The following LIMA1 variants were observed in gnomAD, a reference collection of about 807,000 sequenced individuals.
LIMA1 encodes the protein LIM domain and actin-binding protein 1.
A neutral mutation model predicts 62.6 loss-of-function variants in LIMA1; 52 were observed. The ratio of observed to expected loss-of-function variants is 0.83; its 90% CI spans 0.67 to 1.05. The LOEUF (loss-of-function observed/expected upper bound fraction) is 1.05, where lower values mean the gene tolerates loss of function less well. Among genes scored for constraint, LIMA1 ranks in the 50% least tolerant of loss-of-function variants. The pLI is 0.00. For missense variants in LIMA1, 780 were observed against 902.2 expected, an observed-to-expected ratio of 0.86 and a Z score of 1.74; for synonymous variants, 302 against 317.8, an observed-to-expected ratio of 0.95 and a Z score of 0.53.
rs1941145265 is a variant in LIMA1, at chr12:50,206,005, C to G, written c.694G>C (p.Asp232His). ...RKISENSYSL[D>H]DLEIGPGQLS... ...TTACCTGGGCCTATTTCCAGGTCATCTAGAGAATAGCTGTTTTCAGAGATC... is the reference window on the plus strand; with the variant it reads ...TTACCTGGGCCTATTTCCAGGTCATGTAGAGAATAGCTGTTTTCAGAGATC... The change falls in exon 5 of 11, where the codon GAT (aspartate) becomes CAT (histidine). Residue 232 changes from aspartate to histidine, a missense_variant. Asp to His is a moderately conservative substitution (Grantham distance 81). Coordinates refer to ENST00000341247, the MANE Select transcript of LIMA1 (RefSeq NM_016357.5). 1.2e-6 allele frequency: 2 copies of G among 1,612,216 alleles called. No homozygotes were observed. Among genetic ancestry groups the G allele is most frequent in the Non-Finnish European group, 1.7e-6 (2 of 1,178,780 alleles).
At chr12:50,276,810 G>C (rs776765012) in intron 1 of LIMA1, among the ~76,000 whole-genome samples, 1 of 151,878 alleles carries the variant, frequency 6.6e-6, no homozygotes, top group Non-Finnish European at 1.5e-5. Context: ...GAGGAGGCTA[G>C]AGTGAGCCGA....
intron 8 of LIMA1, among the ~76,000 whole-genome samples, chr12:50,195,219 A>G (rs1007928020): frequency 3.3e-5 from 5 of 152,216 alleles, no homozygotes; most frequent in Middle Eastern, 3.4e-3. Context: ...ATGAAAATTA[A>G]AAGTTATACT....
chr12:50,224,429 G>T (rs2081221194), intron 3 of LIMA1: 1 of 152,206 alleles, frequency 6.6e-6, no homozygotes, highest in South Asian at 2.1e-4. Flanking sequence ...AAGTTTTCTT[G>T]CTGGAAAAGA....
chr12:50,214,777 G>A (rs1941315999), intron 4 of LIMA1, among the ~76,000 whole-genome samples: 1 of 152,234 alleles, frequency 6.6e-6, no homozygotes, highest in Admixed American at 6.5e-5. Context: ...CTGCACTCCA[G>A]CCTGGGCGAC....
intron 2 of LIMA1, among the ~76,000 whole-genome samples, chr12:50,241,483 TA>T (rs903796206): frequency 3.3e-5 from 5 of 151,638 alleles, no homozygotes; most frequent in African/African-American, 7.3e-5. Context: ...AAACATAGAT[TA>T]AAAAAAAATC....
intron 2 of LIMA1, among the ~76,000 whole-genome samples, chr12:50,242,062 C>T (rs768930669): frequency 4.2e-5 from 6 of 142,780 alleles, no homozygotes; most frequent in East Asian, 2.1e-4. Context: ...TGATGGAGGA[C>T]GCTAAAATTA....
At position 50,248,716 on chromosome 12, in the gene LIMA1, G is replaced by A; in HGVS notation, c.36C>T (p.Thr12=). The A allele has an allele frequency of 1.2e-6, 2 of 1,612,662 alleles. No individual in the cohort carries two copies. Among genetic ancestry groups the A allele is most frequent in the Non-Finnish European group, 1.7e-6 (2 of 1,178,680 alleles). The change falls in exon 2 of 11, where the codon ACC becomes ACT. Residue 12 remains threonine, a synonymous_variant. Coordinates refer to ENST00000341247, the MANE Select transcript of LIMA1 (RefSeq NM_016357.5). ...ESSPFNRRQW[T]SLSLRVTAKE... ...TGGCTGTTACCCTCAATGATAGTGA[G>A]GTCCATTGCCGTCTATTAAATGGAG...
chr12:50,215,160 G>A (rs531981080), intron 4 of LIMA1, among the ~76,000 whole-genome samples: 9 of 152,104 alleles, frequency 5.9e-5, no homozygotes, highest in Admixed American at 2.0e-4. Context: ...CTACATCAGC[G>A]CATATACACT....
chr12:50,271,247 G>A (rs923997937), intron 1 of LIMA1, among the ~76,000 whole-genome samples: 2 of 152,192 alleles, frequency 1.3e-5, no homozygotes, highest in South Asian at 2.1e-4. Flanking sequence ...CTCCAGCCTC[G>A]GCGACAGGGC....
chr12:50,193,143 G>A (rs891684762), intron 8 of LIMA1, among the ~76,000 whole-genome samples: 2 of 152,034 alleles, frequency 1.3e-5, no homozygotes, highest in African/African-American at 4.8e-5. Context: ...AACTACATGA[G>A]TTACTTTCCT....
At chr12:50,246,345 G>A (rs1941849360) in intron 2 of LIMA1, among the ~76,000 whole-genome samples, 1 of 152,080 alleles carries the variant, frequency 6.6e-6, no homozygotes, top group South Asian at 2.1e-4. Context: ...GCTAAGGAGG[G>A]TGAAAAGGGT....
chr12:50,223,439 C>T lies in LIMA1; in HGVS notation c.166-954G>A, dbSNP rs372046723. Among the ~76,000 whole-genome samples, 7 of 150,894 alleles carry T rather than the reference C, an allele frequency of 4.6e-5. No individual in the cohort carries two copies. In the South Asian group the frequency reaches 6.3e-4, roughly 14 times the overall value. On this transcript the variant is annotated intron_variant, in intron 3 of 10. Coordinates refer to ENST00000341247, the MANE Select transcript of LIMA1 (RefSeq NM_016357.5). ...TGGAGGTTGCAGTGAGCCAAGACTG[C>T]GCCACTACACTCCAGCCTGGGTGAC...
At chr12:50,235,454 C>T (rs969407377) in intron 2 of LIMA1, among the ~76,000 whole-genome samples, 8 of 151,398 alleles carry the variant, frequency 5.3e-5, no homozygotes, top group African/African-American at 1.9e-4. Flanking sequence ...TTACTAGAGA[C>T]GGGTTTCACC....
intron 1 of LIMA1, among the ~76,000 whole-genome samples, chr12:50,261,040 A>ATTT (rs1394809506): frequency 4.1e-5 from 2 of 48,896 alleles, no homozygotes; most frequent in Non-Finnish European, 6.8e-5. Flanking sequence ...GCCATCTAGT[A>ATTT]TATTTTTTTT....
At position 50,195,973 on chromosome 12, in the gene LIMA1, A is replaced by G. The variant is rs1940922427; in HGVS notation, c.973-86T>C. On this transcript the variant is annotated intron_variant, in intron 7 of 10. Coordinates refer to ENST00000341247, the MANE Select transcript of LIMA1 (RefSeq NM_016357.5). ...AGAGCAAACTGCTGTTAATGCCATA[A>G]AAACCTGCTGACTCCAGTCAGTCAC... 1.1e-5 allele frequency: 15 copies of G among 1,379,496 alleles called. No homozygotes were observed. In the South Asian group the frequency reaches 2.0e-4, roughly 19 times the overall value. 85.5% of individuals were successfully genotyped at this position (1,379,496 alleles called of 1,614,324 possible).
intron 7 of LIMA1, among the ~76,000 whole-genome samples, chr12:50,199,317 C>G (rs1294460963): frequency 6.6e-6 from 1 of 152,212 alleles, no homozygotes; most frequent in East Asian, 1.9e-4. Flanking sequence ...GGTGACAGAG[C>G]GAGACTCCAT....
At chr12:50,251,814 C>G (rs1301435737) in intron 1 of LIMA1, among the ~76,000 whole-genome samples, 1 of 152,118 alleles carries the variant, frequency 6.6e-6, no homozygotes, top group Non-Finnish European at 1.5e-5. Context: ...GCACACAGTT[C>G]TTAGAGTTCT....
chr12:50,246,231 C>CAA (rs923214910), intron 2 of LIMA1, among the ~76,000 whole-genome samples: 83 of 51,360 alleles, frequency 1.6e-3, no homozygotes, highest in Admixed American at 0.015. Context: ...GACTCCATCT[C>CAA]AAAAAAAAAA....
intron 3 of LIMA1, among the ~76,000 whole-genome samples, chr12:50,229,007 C>G (rs1374076428): frequency 2.6e-5 from 4 of 152,166 alleles, no homozygotes; most frequent in Non-Finnish European, 4.4e-5. Context: ...CAGGCACAAG[C>G]CACTGTGGCA....
Sources: allele counts gnomAD v4.1 joint callset (sites outside exome capture counted in the v4.1 genomes callset), GRCh38; gene constraint gnomAD v4.1.1; transcripts MANE v1.5; gene names NCBI Gene and HGNC (gene_info 2026-07-23, HGNC 2026-07-21).